Variants in CNTN5 observed in about 807,000 individuals in gnomAD.
CNTN5 encodes contactin-5.
Under a neutral mutation model 129.1 loss-of-function variants are expected in CNTN5, and 77 were observed. The ratio of observed to expected loss-of-function variants is 0.60; its 90% confidence interval spans 0.50 to 0.72. CNTN5 has a LOEUF of 0.72. Among genes scored for constraint, CNTN5 ranks in the 30% least tolerant of loss-of-function variants. The pLI is 0.00. For synonymous variants in CNTN5, 509 were observed against 465.6 expected (o/e 1.09, Z -1.20); for missense variants, 1,478 against 1,328.8 (o/e 1.11, Z -1.75).
At chr11:99,964,570 T>C (rs1951042021) in intron 8 of CNTN5, among the ~76,000 whole-genome samples, 1 of 152,198 alleles carries the variant, frequency 6.6e-6, no homozygotes, top group Admixed American at 6.6e-5. Flanking sequence ...CAGTATTTTA[T>C]TGAGGATTTT....
chr11:99,721,697 A>T (rs925998263), intron 3 of CNTN5, among the ~76,000 whole-genome samples: 3 of 152,176 alleles, frequency 2.0e-5, no homozygotes, highest in African/African-American at 7.2e-5. Flanking sequence ...TAAATAGACA[A>T]CCTACAGAAT....
At chr11:99,894,422 T>C (rs1186950271) in intron 6 of CNTN5, among the ~76,000 whole-genome samples, 1 of 151,210 alleles carries the variant, frequency 6.6e-6, no homozygotes, top group Non-Finnish European at 1.5e-5. Flanking sequence ...TTATAGGTTT[T>C]TTTTTCACAA....
intron 1 of CNTN5, among the ~76,000 whole-genome samples, chr11:99,181,617 T>C (rs775676992): frequency 2.0e-5 from 3 of 152,144 alleles, no homozygotes; most frequent in Non-Finnish European, 4.4e-5. Context: ...CAGGTACTGA[T>C]TACTAGCAGA....
intron 6 of CNTN5, among the ~76,000 whole-genome samples, chr11:99,871,870 T>C (rs1052941586): frequency 6.6e-6 from 1 of 151,864 alleles, no homozygotes; most frequent in Admixed American, 6.6e-5. Context: ...ATAATAGATA[T>C]AGTTCTGATC....
chr11:100,254,282 C>T (rs1235203829), intron 16 of CNTN5, among the ~76,000 whole-genome samples: 1 of 152,130 alleles, frequency 6.6e-6, no homozygotes, highest in Non-Finnish European at 1.5e-5. Context: ...TATCCTCCAG[C>T]CCCCAATCTA....
intron 1 of CNTN5, among the ~76,000 whole-genome samples, chr11:99,306,302 T>A (rs570184330): frequency 6.4e-4 from 98 of 152,332 alleles, no homozygotes; most frequent in African/African-American, 2.3e-3. Context: ...AATAGGAGCT[T>A]CATTTTTCTC....
chr11:99,717,797 A>G (rs1943028518), intron 3 of CNTN5, among the ~76,000 whole-genome samples: 1 of 152,142 alleles, frequency 6.6e-6, no homozygotes, highest in Non-Finnish European at 1.5e-5. Context: ...TGGCACATAA[A>G]TACTTTAAAT....
intron 8 of CNTN5, among the ~76,000 whole-genome samples, chr11:99,975,680 T>C (rs539795658): frequency 1.3e-5 from 2 of 151,856 alleles, no homozygotes; most frequent in African/African-American, 4.8e-5. Context: ...CTTTGAAATA[T>C]CAGATCTCAT....
chr11:99,504,512 A>G (rs1277745662), intron 2 of CNTN5, among the ~76,000 whole-genome samples: 4 of 148,474 alleles, frequency 2.7e-5, no homozygotes, highest in African/African-American at 1.0e-4. Flanking sequence ...CCTGGGCAAC[A>G]GAGCCAGACT....
intron 13 of CNTN5, among the ~76,000 whole-genome samples, chr11:100,078,320 T>C (rs1375349860): frequency 6.6e-6 from 1 of 152,204 alleles, no homozygotes; most frequent in Non-Finnish European, 1.5e-5. Context: ...AAAAATATGA[T>C]TAACAAATTA....
chr11:99,730,701 A>G (rs1438323893), intron 3 of CNTN5, among the ~76,000 whole-genome samples: 1 of 152,224 alleles, frequency 6.6e-6, no homozygotes, highest in Non-Finnish European at 1.5e-5. Flanking sequence ...ATTTCTACAT[A>G]TTTACGGAAA....
intron 2 of CNTN5, among the ~76,000 whole-genome samples, chr11:99,470,830 A>G (rs557510574): frequency 6.6e-6 from 1 of 151,808 alleles, no homozygotes; most frequent in Non-Finnish European, 1.5e-5. Context: ...TTTTATCATT[A>G]TAGCTATATT....
chr11:100,246,381 C>T (rs1176516989), intron 16 of CNTN5, among the ~76,000 whole-genome samples: 1 of 148,112 alleles, frequency 6.8e-6, no homozygotes, highest in Non-Finnish European at 1.5e-5. Context: ...ATTATTCTGA[C>T]TCTTTGTCCA....
At chr11:99,568,195 G>T (rs1425984800) in intron 3 of CNTN5, among the ~76,000 whole-genome samples, 2 of 152,180 alleles carry the variant, frequency 1.3e-5, no homozygotes, top group Non-Finnish European at 2.9e-5. Context: ...AGATGACATG[G>T]ACATCATCTC....
intron 3 of CNTN5, among the ~76,000 whole-genome samples, chr11:99,688,943 C>A (rs1246982695): frequency 2.6e-5 from 4 of 152,100 alleles, no homozygotes; most frequent in African/African-American, 9.7e-5. Context: ...GATCTCATTC[C>A]TTTTTATGGC....
chr11:99,887,339 T>C (rs1407471165), intron 6 of CNTN5, among the ~76,000 whole-genome samples: 1 of 152,196 alleles, frequency 6.6e-6, no homozygotes. Flanking sequence ...AACTGAGATT[T>C]ATAAGTCCTT....
At chr11:99,231,867 G>A (rs767046360) in intron 1 of CNTN5, among the ~76,000 whole-genome samples, 53 of 152,192 alleles carry the variant, frequency 3.5e-4, no homozygotes, top group Non-Finnish European at 6.9e-4. Context: ...TTCTGCATAT[G>A]GCTAGTAAGT....
chr11:99,881,180 A>G (rs915133106), intron 6 of CNTN5, among the ~76,000 whole-genome samples: 1 of 152,198 alleles, frequency 6.6e-6, no homozygotes, highest in African/African-American at 2.4e-5. Context: ...TCTGTGCTGC[A>G]GGCAGTCTAG....
intron 3 of CNTN5, among the ~76,000 whole-genome samples, chr11:99,588,689 C>T (rs1485597599): frequency 1.3e-5 from 2 of 152,082 alleles, no homozygotes; most frequent in Non-Finnish European, 2.9e-5. Flanking sequence ...TTATGGATAC[C>T]TAGCAGTTGA....
Sources: gnomAD v4.1 joint callset for allele counts (sites outside exome capture counted in the v4.1 genomes callset) on GRCh38, gnomAD v4.1.1 for gene constraint, MANE v1.5 for transcripts, NCBI Gene and HGNC (gene_info 2026-07-23, HGNC 2026-07-21) for gene names.